Variants in CEP131 observed in about 807,000 individuals in gnomAD.
CEP131 encodes centrosomal protein 131, also known as centrosomal protein of 131 kDa.
A neutral mutation model predicts 136.8 loss-of-function variants in CEP131; 99 were observed. The ratio of observed to expected loss-of-function variants is 0.72; its 90% CI spans 0.62 to 0.86. The LOEUF is 0.86. CEP131 is among the 40% of genes least tolerant of loss of function. CEP131 has a pLI of 0.00. For synonymous variants in CEP131, 646 were observed against 612.7 expected (o/e 1.05, Z -0.80); for missense variants, 1,459 against 1,463.0 (o/e 1.00, Z 0.04).
At chr17:81,206,483 C>A (rs1414971708) in intron 5 of CEP131, among the ~76,000 whole-genome samples, 5 of 152,168 alleles carry the variant, frequency 3.3e-5, no homozygotes, top group Admixed American at 3.3e-4. Context: ...CCAGGCCCCA[C>A]CCTCTCAGCC....
At chr17:81,192,685 G>GGGGGGCCCCC in intron 19 of CEP131, 51 bp downstream of exon 19, 1 of 478,436 alleles carries the variant, frequency 2.1e-6, no homozygotes, top group Non-Finnish European at 4.1e-6. Context: ...GGGGGGAGGG[G>GGGGGGCCCCC]TCAGCCAGCG....
chr17:81,190,817 A>G lies in CEP131; in HGVS notation c.2944-15T>C, dbSNP rs779719426. ...TGCTCGTTCACCTGGGTGGGCACAG[A>G]AGGCAGTGAGCCGGCTGCCAGCGAC... is the stretch of plus-strand genomic sequence containing the variant. On this transcript the variant is annotated splice_polypyrimidine_tract_variant and intron_variant, in intron 23 of 25. Transcript: ENST00000450824. 45 of 1,598,792 alleles carry G rather than the reference A, an allele frequency of 2.8e-5. No homozygotes were observed. The highest frequency in any genetic ancestry group is 3.7e-5 in the Non-Finnish European group (43 of 1,170,514).
In CEP131 at chr17:81,191,092, TG is replaced by T. The variant is rs774565698; in HGVS notation, c.2766-9del. 1,784 of 1,599,038 alleles carry T rather than the reference TG, an allele frequency of 1.1e-3. 1 individual carries two copies. The highest frequency in any genetic ancestry group is 1.4e-3 in the Non-Finnish European group (1,684 of 1,171,494). ...TCCCGTAAGCGCTTGATGCTGGAGG[TG>T]GGGGGAGGGCAGGGTCACTCCAGCC... On this transcript the variant is annotated splice_polypyrimidine_tract_variant and intron_variant, in intron 22 of 25. Coordinates refer to ENST00000450824, the MANE Select transcript of CEP131 (RefSeq NM_014984.4).
intron 2 of CEP131, among the ~76,000 whole-genome samples, chr17:81,217,516 G>T (rs2062274629): frequency 6.6e-6 from 1 of 152,246 alleles, no homozygotes. Flanking sequence ...AGTGGTAGCA[G>T]GGCAGGTGGC....
intron 12 of CEP131, 44 bp downstream of exon 12, chr17:81,198,071 C>T (rs370083246): frequency 1.5e-4 from 223 of 1,511,656 alleles, no homozygotes; most frequent in Admixed American, 3.9e-4. Flanking sequence ...GTGTGAATGG[C>T]GTGGGTGGAC....
Position 81,203,754 on chromosome 17 carries a change from A to G in CEP131, c.516-147T>C. 1.6e-6 allele frequency: 1 copy of G among 637,238 alleles called. No individual in the cohort carries two copies. Among genetic ancestry groups the G allele is most frequent in the Non-Finnish European group, 2.7e-6 (1 of 367,340 alleles). The allele number at this position is 637,238 out of a possible 1,614,324, so 39.5% of individuals were successfully genotyped here. On this transcript the variant is annotated intron_variant, in intron 5 of 25. Coordinates refer to ENST00000450824, the MANE Select transcript of CEP131 (RefSeq NM_014984.4). The surrounding 1 kb of genome is among the most constrained non-coding windows in gnomAD (Gnocchi z 4.6). ...GGCAGCATTGTCGTCCAGTGTCCCC[A>G]GGCCCCTTCCACAGCCTGCGCCCTG...
At chr17:81,214,920 C>T (rs2062212997) in intron 2 of CEP131, among the ~76,000 whole-genome samples, 1 of 151,844 alleles carries the variant, frequency 6.6e-6, no homozygotes, top group Admixed American at 6.6e-5. Flanking sequence ...CTACAGGTGC[C>T]TGCCACCACG....
In CEP131 at chr17:81,208,469, T is replaced by C. The variant is rs1046418319; in HGVS notation, c.272+459A>G. Among the ~76,000 whole-genome samples the C allele has an allele frequency of 3.3e-5, 5 of 152,272 alleles. No homozygotes were observed. The highest frequency in any genetic ancestry group is 3.4e-3 in the Middle Eastern group (1 of 294). ...CCCCACAACACCCCCACTGGGGCCA[T>C]TGAGGCAGCTCCTCCCCAGCCCGCT... On this transcript the variant is annotated intron_variant, in intron 3 of 25. Transcript: ENST00000450824. This position sits in a 1 kb window ranked among gnomAD's most constrained non-coding sequence, Gnocchi z 5.6.
intron 2 of CEP131, among the ~76,000 whole-genome samples, chr17:81,210,674 G>C (rs12943129): frequency 6.6e-6 from 1 of 152,104 alleles, no homozygotes; most frequent in African/African-American, 2.4e-5. Context: ...TGGATGCCAC[G>C]GCGACCAGTG....
intron 7 of CEP131, 28 bp downstream of exon 7, chr17:81,202,212 C>CT: frequency 6.6e-7 from 1 of 1,508,054 alleles, no homozygotes; most frequent in Non-Finnish European, 8.9e-7. Flanking sequence ...AGGCTCAGGC[C>CT]CCCCCCCACC....
chr17:81,193,201 G>A (rs575283227), intron 18 of CEP131, among the ~76,000 whole-genome samples: 5 of 152,310 alleles, frequency 3.3e-5, no homozygotes, highest in South Asian at 2.1e-4. Flanking sequence ...CAGGTGCCTC[G>A]TGGGGCCTTA....
intron 17 of CEP131, 61 bp downstream of exon 17, chr17:81,194,809 A>G: frequency 2.2e-6 from 3 of 1,366,210 alleles, no homozygotes; most frequent in Non-Finnish European, 3.1e-6. Context: ...CTCTCTCAAA[A>G]GAAGCCCTGG....
rs775755087 is a variant in CEP131, at chr17:81,219,890, C to T, written c.167G>A (p.Arg56Lys). Reference protein sequence around the residue: ...VSVVTGSEQKRKVLEATGPGG... With the variant: ...VSVVTGSEQKKKVLEATGPGG... ...GGCCACAGTACTCACCAGCACCTTCCTCTTCTGCTCGCTGCCTGTGACCAC... is the reference window on the plus strand; with the variant it reads ...GGCCACAGTACTCACCAGCACCTTCTTCTTCTGCTCGCTGCCTGTGACCAC... Residue 56 changes from arginine (R) to lysine (K), a missense_variant, in exon 2 of 26, where the codon AGG becomes AAG. Arg to Lys is a conservative substitution (Grantham distance 26). This residue lies in a region of CEP131 where 187 missense variants were observed against 179.9 expected (regional missense o/e 1.04). Coordinates refer to ENST00000450824, the MANE Select transcript of CEP131 (RefSeq NM_014984.4). The surrounding 1 kb of genome is among the most constrained non-coding windows in gnomAD (Gnocchi z 4.0). 3.1e-6 allele frequency: 5 copies of T among 1,606,656 alleles called. No homozygotes were observed. In the Admixed American group the frequency reaches 6.8e-5, roughly 22 times the overall value.
chr17:81,194,524 G>A (rs2061712267), intron 17 of CEP131, among the ~76,000 whole-genome samples: 1 of 152,234 alleles, frequency 6.6e-6, no homozygotes, highest in Admixed American at 6.5e-5. Flanking sequence ...TCCTCCTGTG[G>A]CTCACTCTGC....
chr17:81,219,983 A>C lies in CEP131; in HGVS notation c.74T>G (p.Leu25Arg). The C allele has an allele frequency of 6.2e-7, 1 of 1,612,184 alleles. No homozygotes were observed. The highest frequency in any genetic ancestry group is 8.5e-7 in the Non-Finnish European group (1 of 1,179,408). Residue 25 changes from leucine to arginine, a missense_variant, in exon 2 of 26, where the codon CTC becomes CGC. Coordinates refer to ENST00000450824, the MANE Select transcript of CEP131 (RefSeq NM_014984.4). This position sits in a 1 kb window ranked among gnomAD's most constrained non-coding sequence, Gnocchi z 4.0. ...PAGVDLSLTGLPPPVSRRPGS... is the reference protein window; with the variant it reads ...PAGVDLSLTGRPPPVSRRPGS... Reference sequence around the variant, plus strand: ...AGGACGCCGGGACACAGGCGGAGGGAGACCTGTCAGACTCAGGTCCACACC... The same window carrying C: ...AGGACGCCGGGACACAGGCGGAGGGCGACCTGTCAGACTCAGGTCCACACC...
Position 81,206,810 on chromosome 17 carries a change from G to A in CEP131, c.449C>T (p.Ser150Leu). The change falls in exon 5 of 26, where the codon TCA becomes TTA. Residue 150 changes from serine (S) to leucine (L), a missense_variant. This residue lies in a region of CEP131 where 246 missense variants were observed against 318.9 expected (regional missense o/e 0.77). Transcript: ENST00000450824. ...TTCTTTCCTCCGCGGGCCCGCTGGT[G>A]AGTCAAGGGCACTGGAACTCCGGGC... is the stretch of plus-strand genomic sequence containing the variant. ...SNARSSSALD[S>L]PAGPRRKECT... 6.2e-7 allele frequency: 1 copy of A among 1,614,136 alleles called. No homozygotes were observed. Among genetic ancestry groups the A allele is most frequent in the Non-Finnish European group, 8.5e-7 (1 of 1,180,026 alleles).
Position 81,192,823 on chromosome 17 carries a change from T to C in CEP131, c.2342A>G (p.Gln781Arg), listed in dbSNP as rs2146498987. The C allele has an allele frequency of 1.9e-6, 3 of 1,598,468 alleles. No homozygotes were observed. The highest frequency in any genetic ancestry group is 3.3e-5 in the Admixed American group (2 of 59,944). Residue 781 changes from glutamine (Q) to arginine (R), a missense_variant, in exon 19 of 26, where the codon CAG becomes CGG. Physicochemically the swap from Gln to Arg is conservative, Grantham distance 43. This residue lies in a region of CEP131 where 1,026 missense variants were observed against 964.2 expected (regional missense o/e 1.06). Coordinates refer to ENST00000450824, the MANE Select transcript of CEP131 (RefSeq NM_014984.4). Reference protein sequence around the residue: ...ARQRFQQHLEQEQWALQQQRQ... With the variant: ...ARQRFQQHLEREQWALQQQRQ... ...TTGCTGCTGCAGCGCCCACTGCTCC[T>C]GCTCCAGGTGCTGCTGGAACCTGCG...
In CEP131 at chr17:81,208,129, A is replaced by G. The variant is rs1201819930; in HGVS notation, c.272+799T>C. 1.3e-5 allele frequency among the ~76,000 whole-genome samples: 2 copies of G among 149,858 alleles called. No individual in the cohort carries two copies. The highest frequency in any genetic ancestry group is 5.0e-5 in the African/African-American group (2 of 40,030). On this transcript the variant is annotated intron_variant, in intron 3 of 25. Coordinates refer to ENST00000450824, the MANE Select transcript of CEP131 (RefSeq NM_014984.4). This position sits in a 1 kb window ranked among gnomAD's most constrained non-coding sequence, Gnocchi z 5.6. ...CCACACACCCACACACCACACACAT[A>G]CCACACACACACACCAGCTGGCCTT...
Position 81,189,952 on chromosome 17 carries a change from T to C in CEP131, c.3131A>G (p.Lys1044Arg), listed in dbSNP as rs768601249. 129 of 1,610,994 alleles carry C rather than the reference T, an allele frequency of 8.0e-5. 1 individual carries two copies. The Middle Eastern group carries it at 2.1e-3, about 27-fold the overall frequency. The change falls in exon 25 of 26, where the codon AAG becomes AGG. Residue 1044 changes from lysine (K) to arginine (R), a missense_variant. Lys to Arg is a conservative substitution (Grantham distance 26). This residue lies in a region of CEP131 where 1,026 missense variants were observed against 964.2 expected (regional missense o/e 1.06). Transcript: ENST00000450824. ...HRRVKTALAR[K>R]EEAVSSLRTQ... ...CCGGAGGCTGCTCACGGCCTCCTCC[T>C]TCCTCGCGAGGGCTGTCTTCACCCT...
Sources: allele counts gnomAD v4.1 joint callset (sites outside exome capture counted in the v4.1 genomes callset), GRCh38; gene constraint gnomAD v4.1.1; regional missense constraint gnomAD v4.1.1; non-coding constraint Gnocchi (gnomAD v3.1); transcripts MANE v1.5; gene names NCBI Gene and HGNC (gene_info 2026-07-23, HGNC 2026-07-21).